HERC1: variants seen among roughly 807,000 people sequenced by gnomAD.
HERC1 encodes the protein HECT and RLD domain containing E3 ubiquitin protein ligase family member 1, also known as probable E3 ubiquitin-protein ligase HERC1.
HERC1 carries 160 observed loss-of-function variants against 554.3 expected under a neutral mutation model. The ratio of observed to expected loss-of-function variants is 0.29; its 90% CI spans 0.25 to 0.33. The LOEUF (loss-of-function observed/expected upper bound fraction) is 0.33, where lower values mean the gene tolerates loss of function less well. Among genes scored for constraint, HERC1 ranks in the 10% least tolerant of loss-of-function variants. HERC1 has a pLI of 1.00. For synonymous variants in HERC1, 2,175 were observed against 2,131.7 expected, an observed-to-expected ratio of 1.02 and a Z score of -0.56; for missense variants, 4,919 against 5,918.5, an observed-to-expected ratio of 0.83 and a Z score of 5.54.
rs1242725796 is a variant in HERC1, at chr15:63,633,841, T to G, written c.12693+7A>C. Reference sequence around the variant, plus strand: ...GTCTGAAAACCTAGACTCAAGGCAGTACTGACCTGAGGTGAAGATTTTGCA... The same window carrying G: ...GTCTGAAAACCTAGACTCAAGGCAGGACTGACCTGAGGTGAAGATTTTGCA... On this transcript the variant is annotated splice_region_variant and intron_variant, in intron 67 of 77. Transcript: ENST00000443617. The G allele has an allele frequency of 6.2e-7, 1 of 1,612,200 alleles. No homozygotes were observed. The highest frequency in any genetic ancestry group is 1.3e-5 in the African/African-American group (1 of 74,918).
chr15:63,823,443 A>G (rs2077771841), intron 1 of HERC1, among the ~76,000 whole-genome samples: 1 of 152,224 alleles, frequency 6.6e-6, no homozygotes, highest in Admixed American at 6.5e-5. Flanking sequence ...AGATCAGAAA[A>G]CTGAGACTAA....
In HERC1 at chr15:63,708,026, T is replaced by C. The variant is rs926155017; in HGVS notation, c.4585-1195A>G. ...TTACCTGGTCATATATATAGATACA[T>C]GTACCCCTGGTGCAGATAAACACAC... is the stretch of plus-strand genomic sequence containing the variant. On this transcript the variant is annotated intron_variant, in intron 24 of 77. Coordinates refer to ENST00000443617, the MANE Select transcript of HERC1 (RefSeq NM_003922.4). Among the ~76,000 whole-genome samples the C allele has an allele frequency of 3.3e-5, 5 of 151,490 alleles. No individual in the cohort carries two copies. In the East Asian group the frequency reaches 5.8e-4, roughly 18 times the overall value.
rs944466586 is a variant in HERC1 at position 63,664,516 on chromosome 15, T to C, written c.8634A>G (p.Arg2878=). The C allele has an allele frequency of 2.5e-6, 4 of 1,613,682 alleles. No individual in the cohort carries two copies. The African/African-American group carries it at 5.3e-5, about 22-fold the overall frequency. The change falls in exon 43 of 78, where the codon AGA becomes AGG. Residue 2878 remains arginine, a synonymous_variant. Transcript: ENST00000443617. ...GAGCAGCTAAGTCAAACTTGTGTCT[T>C]CTTGTTACCGCTGAGCGACCTCTAG... is the stretch of plus-strand genomic sequence containing the variant. ...PSARGRSAVT[R]RHKFDLAART...
intron 1 of HERC1, among the ~76,000 whole-genome samples, chr15:63,826,886 G>C (rs1234265828): frequency 7.3e-6 from 1 of 137,478 alleles, no homozygotes; most frequent in African/African-American, 2.7e-5. Flanking sequence ...CACATTACTG[G>C]TGAGAATGCA....
At chr15:63,748,082 C>T (rs775626008) in intron 10 of HERC1, among the ~76,000 whole-genome samples, 1 of 151,894 alleles carries the variant, frequency 6.6e-6, no homozygotes, top group Non-Finnish European at 1.5e-5. Flanking sequence ...AAAAATTAGT[C>T]GGGCATGGTG....
At chr15:63,662,043 C>A in intron 44 of HERC1, 22 bp from the exon 45 acceptor site, 1 of 1,597,124 alleles carries the variant, frequency 6.3e-7, no homozygotes, top group Non-Finnish European at 8.6e-7. Context: ...GATTTCATAC[C>A]AAATGATTAG....
intron 2 of HERC1, among the ~76,000 whole-genome samples, chr15:63,767,973 A>G (rs2075835001): frequency 6.6e-6 from 1 of 152,106 alleles, no homozygotes; most frequent in Admixed American, 6.6e-5. Context: ...TACTATGTAA[A>G]GCTTCCTGTT....
intron 74 of HERC1, among the ~76,000 whole-genome samples, chr15:63,617,218 T>C (rs1035162462): frequency 6.6e-6 from 1 of 152,176 alleles, no homozygotes; most frequent in Non-Finnish European, 1.5e-5. Context: ...TGTCCATGTG[T>C]TCTCATTGTT....
chr15:63,628,658 T>A lies in HERC1; in HGVS notation c.13105+19A>T, dbSNP rs1420788963. On this transcript the variant is annotated intron_variant, in intron 70 of 77. Coordinates refer to ENST00000443617, the MANE Select transcript of HERC1 (RefSeq NM_003922.4). The stretch of plus-strand genomic sequence containing the variant: ...CTAAAAAAGAAACGCTGCAGGAGCA[T>A]GAATATTTCATTCCTCACCTGGTGC... 2 of 1,599,650 alleles carry A rather than the reference T, an allele frequency of 1.3e-6. No homozygotes were observed. Among genetic ancestry groups the A allele is most frequent in the South Asian group, 2.2e-5 (2 of 89,390 alleles).
At chr15:63,649,700 G>T in intron 54 of HERC1, 25 bp downstream of exon 54, 1 of 1,587,328 alleles carries the variant, frequency 6.3e-7, no homozygotes, top group Non-Finnish European at 8.6e-7. Flanking sequence ...GACTCCGTCA[G>T]CTAGACGTAA....
In HERC1 at chr15:63,689,510, G is replaced by A. The variant is rs1373679728; in HGVS notation, c.6048+79C>T. 5 of 737,024 alleles carry A rather than the reference G, an allele frequency of 6.8e-6. No individual in the cohort carries two copies. The South Asian group carries it at 9.5e-5, about 14-fold the overall frequency. 45.7% of individuals were successfully genotyped at this position (737,024 alleles called of 1,614,324 possible). A position where few individuals can be genotyped will look rare whatever the true frequency, so the allele number is the denominator to read the frequency against. On this transcript the variant is annotated intron_variant, in intron 33 of 77. Transcript: ENST00000443617. ...ATAAATGATAGAGCAAGGTGCCTCA[G>A]AGGAACAGGCATTCAGAGACAAGTG... is the stretch of plus-strand genomic sequence containing the variant.
At chr15:63,789,631 C>G (rs886806208) in intron 1 of HERC1, among the ~76,000 whole-genome samples, 7 of 151,212 alleles carry the variant, frequency 4.6e-5, no homozygotes, top group African/African-American at 1.7e-4. Flanking sequence ...AACCCCATCT[C>G]GACTAAAAAT....
intron 18 of HERC1, among the ~76,000 whole-genome samples, chr15:63,724,060 C>A (rs138244233): frequency 3.3e-5 from 5 of 151,890 alleles, no homozygotes; most frequent in Admixed American, 3.3e-4. Flanking sequence ...CTAATACATA[C>A]AAGTAAACAA....
intron 33 of HERC1, among the ~76,000 whole-genome samples, chr15:63,687,144 C>T (rs550825195): frequency 6.6e-6 from 1 of 152,320 alleles, no homozygotes; most frequent in South Asian, 2.1e-4. Context: ...TATAGGAGAT[C>T]TCTGATCACA....
chr15:63,650,037 A>C, intron 53 of HERC1, 112 bp from the exon 54 acceptor site: 1 of 686,248 alleles, frequency 1.5e-6, no homozygotes, highest in East Asian at 2.7e-5. Context: ...TCCAAATTTC[A>C]TAATAGCCTA....
intron 12 of HERC1, among the ~76,000 whole-genome samples, chr15:63,745,984 A>C (rs1214235462): frequency 6.6e-6 from 1 of 152,072 alleles, no homozygotes; most frequent in Non-Finnish European, 1.5e-5. Flanking sequence ...ACAAACATTT[A>C]GTTTCCTGGA....
At chr15:63,785,801 G>C (rs1041358193) in intron 1 of HERC1, among the ~76,000 whole-genome samples, 3 of 151,332 alleles carry the variant, frequency 2.0e-5, no homozygotes, top group African/African-American at 7.3e-5. Context: ...AAAGGGGAAG[G>C]GGAAGGGAAG....
chr15:63,642,384 T>C (rs1440680018), intron 59 of HERC1, among the ~76,000 whole-genome samples: 1 of 152,148 alleles, frequency 6.6e-6, no homozygotes, highest in East Asian at 1.9e-4. Context: ...GTCACCCAGG[T>C]TGGAGTACAA....
intron 8 of HERC1, chr15:63,752,425 G>A (rs966630281): frequency 1.3e-5 from 2 of 152,050 alleles, no homozygotes; most frequent in Non-Finnish European, 1.5e-5. Context: ...GTGAAAATAC[G>A]CATGTAAAAG....
Sources: gnomAD v4.1 joint callset for allele counts (sites outside exome capture counted in the v4.1 genomes callset) on GRCh38, gnomAD v4.1.1 for gene constraint, MANE v1.5 for transcripts, NCBI Gene and HGNC (gene_info 2026-07-23, HGNC 2026-07-21) for gene names.